Variants in MTA1 observed in about 807,000 individuals in gnomAD.
MTA1 encodes the protein metastasis associated 1, also known as metastasis-associated protein MTA1.
In MTA1, 15 loss-of-function variants were observed where a neutral mutation model predicts 97.0. The observed-to-expected ratio is 0.15, with a 90% confidence interval of 0.10 to 0.24. MTA1 has a LOEUF of 0.24. Among genes scored for constraint, MTA1 ranks in the 10% least tolerant of loss-of-function variants. The probability of loss-of-function intolerance (pLI) is 1.00; values close to 1 mark genes in which losing one functional copy is unlikely to be tolerated. For synonymous variants in MTA1, 435 were observed against 417.5 expected (o/e 1.04, Z -0.51); for missense variants, 709 against 1,015.1 (o/e 0.70, Z 4.10).
At chr14:105,444,353 C>G (rs146335436) in intron 2 of MTA1, among the ~76,000 whole-genome samples, 5 of 151,752 alleles carry the variant, frequency 3.3e-5, no homozygotes, top group Non-Finnish European at 7.4e-5. Flanking sequence ...CCAGCCTGGG[C>G]GACAGAGCAA....
intron 10 of MTA1, among the ~76,000 whole-genome samples, chr14:105,461,685 G>A (rs1325688992): frequency 1.3e-5 from 2 of 152,210 alleles, no homozygotes; most frequent in African/African-American, 4.8e-5. Flanking sequence ...TCTGGAATTC[G>A]GAAGAAACAA....
chr14:105,452,353 G>A (rs1054474406), intron 6 of MTA1, among the ~76,000 whole-genome samples: 5 of 152,226 alleles, frequency 3.3e-5, no homozygotes, highest in South Asian at 2.1e-4. Flanking sequence ...GGCGCAGTCC[G>A]GCACCAAATA....
chr14:105,432,331 C>G (rs2082200440), intron 1 of MTA1, among the ~76,000 whole-genome samples: 1 of 152,166 alleles, frequency 6.6e-6, no homozygotes, highest in South Asian at 2.1e-4. Context: ...ACCTCTGCCT[C>G]CTGGGTTCAA....
chr14:105,439,940 G>A (rs587683403), intron 2 of MTA1, among the ~76,000 whole-genome samples: 38 of 152,292 alleles, frequency 2.5e-4, no homozygotes, highest in Non-Finnish European at 4.6e-4. Context: ...GAAGGTTAGC[G>A]CGCCACCTCT....
chr14:105,429,451 A>AAT (rs1389494133), intron 1 of MTA1, among the ~76,000 whole-genome samples: 1 of 137,458 alleles, frequency 7.3e-6, no homozygotes, highest in Non-Finnish European at 1.5e-5. Context: ...ACACCCGGCT[A>AAT]ATTTTTTTTT....
Position 105,464,248 on chromosome 14 carries a change from G to A in MTA1, c.1192+101G>A, listed in dbSNP as rs587603327. The A allele has an allele frequency of 1.5e-5, 20 of 1,376,452 alleles. No homozygotes were observed. In the African/African-American group the frequency reaches 2.5e-4, roughly 17 times the overall value. The allele number at this position is 1,376,452 out of a possible 1,614,324, so 85.3% of individuals were successfully genotyped here. ...TCCAGCATGGCCCAGCCTGCAAGGG[G>A]CCCACTGACGATGGGGGCTGCGTCC... On this transcript the variant is annotated intron_variant, in intron 13 of 20. Coordinates refer to ENST00000331320, the MANE Select transcript of MTA1 (RefSeq NM_004689.4).
chr14:105,426,375 CA>C (rs781801650), intron 1 of MTA1, among the ~76,000 whole-genome samples: 162 of 104,070 alleles, frequency 1.6e-3, no homozygotes, highest in African/African-American at 5.7e-3. Context: ...CTTCGTCTCA[CA>C]AAAAAAAAAA....
chr14:105,452,976 G>T (rs1012565594), intron 6 of MTA1, among the ~76,000 whole-genome samples: 9 of 152,270 alleles, frequency 5.9e-5, no homozygotes, highest in Non-Finnish European at 2.9e-5. Flanking sequence ...ACATGCAGAA[G>T]AAAGTGCAGC....
chr14:105,448,757 C>A (rs1257165621), intron 3 of MTA1, among the ~76,000 whole-genome samples: 1 of 152,232 alleles, frequency 6.6e-6, no homozygotes, highest in Admixed American at 6.5e-5. Context: ...TAGCTGTTGG[C>A]GCCTGGGAGG....
At chr14:105,441,924 A>G (rs2082545786) in intron 2 of MTA1, among the ~76,000 whole-genome samples, 1 of 152,254 alleles carries the variant, frequency 6.6e-6, no homozygotes, top group Non-Finnish European at 1.5e-5. Flanking sequence ...ATGTGGTCAG[A>G]TGAGAGGAAA....
rs1161353943 is a variant in MTA1, at chr14:105,448,811, G to A, written c.191-548G>A. Among the ~76,000 whole-genome samples the A allele has an allele frequency of 3.3e-5, 5 of 152,266 alleles. No homozygotes were observed. The South Asian group carries it at 1.0e-3, about 31-fold the overall frequency. On this transcript the variant is annotated intron_variant, in intron 3 of 20. Coordinates refer to ENST00000331320, the MANE Select transcript of MTA1 (RefSeq NM_004689.4). ...TTCCTGCAGGCACCACAAGGGGGCC[G>A]CAGAGAGCGAGCAGCCCGGCTGGCT... is the stretch of plus-strand genomic sequence containing the variant.
rs1308914314 is a variant in MTA1 at position 105,420,000 on chromosome 14, C to T, written c.-36C>T. Reference sequence around the variant, plus strand: ...CCGGCCGCCCGCGCCGAGCGCCGCGCCCGCCCCGGGCCCCTCCGCCGCCGC... The same window carrying T: ...CCGGCCGCCCGCGCCGAGCGCCGCGTCCGCCCCGGGCCCCTCCGCCGCCGC... On this transcript the variant is annotated 5_prime_UTR_variant, in exon 1 of 21. Coordinates refer to ENST00000331320, the MANE Select transcript of MTA1 (RefSeq NM_004689.4). The T allele has an allele frequency of 2.1e-5, 21 of 1,018,200 alleles. No homozygotes were observed. The highest frequency in any genetic ancestry group is 5.3e-5 in the African/African-American group (3 of 56,950). 63.1% of individuals were successfully genotyped at this position (1,018,200 alleles called of 1,614,324 possible). A position where few individuals can be genotyped will look rare whatever the true frequency, so the allele number is the denominator to read the frequency against.
At chr14:105,435,295 TTA>T (rs1183446189) in intron 1 of MTA1, among the ~76,000 whole-genome samples, 5 of 146,842 alleles carry the variant, frequency 3.4e-5, no homozygotes, top group African/African-American at 1.4e-4. Flanking sequence ...AAAATTTAAG[TTA>T]TATTTAGAGA....
chr14:105,437,603 C>T (rs145220974), intron 1 of MTA1, among the ~76,000 whole-genome samples: 1,681 of 152,320 alleles, frequency 0.011, 14 homozygotes, highest in Non-Finnish European at 0.013. Flanking sequence ...CCTCGCGGCA[C>T]GGGTTTGGCC....
intron 7 of MTA1, 55 bp from the exon 8 acceptor site, chr14:105,458,215 C>A: frequency 4.7e-6 from 7 of 1,504,998 alleles, no homozygotes; most frequent in Non-Finnish European, 6.4e-6. Context: ...AGGAGAGGCG[C>A]GGCCCGGCGC....
In MTA1 at chr14:105,422,126, C is replaced by T. The variant is rs1043180741; in HGVS notation, c.28+2063C>T. ...GTGCTCGGAGCTGTCAGGCCCCCCA[C>T]GTGCCCGCCCCGAGGACTTCCTCTC... On this transcript the variant is annotated intron_variant, in intron 1 of 20. Transcript: ENST00000331320. The surrounding 1 kb of genome is among the most constrained non-coding windows in gnomAD (Gnocchi z 4.3). Among the ~76,000 whole-genome samples the T allele has an allele frequency of 2.0e-5, 3 of 152,194 alleles. No individual in the cohort carries two copies. Among genetic ancestry groups the T allele is most frequent in the Non-Finnish European group, 2.9e-5 (2 of 68,026 alleles).
intron 1 of MTA1, among the ~76,000 whole-genome samples, chr14:105,426,773 G>A (rs1056166582): frequency 2.3e-4 from 35 of 152,348 alleles, no homozygotes; most frequent in African/African-American, 1.7e-4. Flanking sequence ...AGGATGGGCC[G>A]GGCGCGAGGC....
chr14:105,463,405 T>C lies in MTA1; in HGVS notation c.1018-88T>C. The C allele has an allele frequency of 6.6e-7, 1 of 1,526,044 alleles. No homozygotes were observed. Among genetic ancestry groups the C allele is most frequent in the Middle Eastern group, 1.7e-4 (1 of 5,872 alleles). 94.5% of individuals were successfully genotyped at this position (1,526,044 alleles called of 1,614,324 possible). ...GGCCCGGCTGTCCTCTCCGTGGTGC[T>C]CTCCTCTCCGTAGCCTCCAGCCTGT... On this transcript the variant is annotated intron_variant, in intron 11 of 20. Coordinates refer to ENST00000331320, the MANE Select transcript of MTA1 (RefSeq NM_004689.4). The surrounding 1 kb of genome is among the most constrained non-coding windows in gnomAD (Gnocchi z 5.9).
At chr14:105,449,502 C>T (rs1185890600) in intron 4 of MTA1, 93 bp downstream of exon 4, 12 of 1,391,270 alleles carry the variant, frequency 8.6e-6, no homozygotes, top group East Asian at 4.9e-5. Context: ...TTGGGCGGGC[C>T]GCCTGCATGC....
Sources: gnomAD v4.1 joint callset for allele counts (sites outside exome capture counted in the v4.1 genomes callset) on GRCh38, gnomAD v4.1.1 for gene constraint, Gnocchi (gnomAD v3.1) non-coding constraint, MANE v1.5 for transcripts, NCBI Gene and HGNC (gene_info 2026-07-23, HGNC 2026-07-21) for gene names.